DOCK3: variants seen among roughly 807,000 people sequenced by gnomAD.
DOCK3 encodes the protein dedicator of cytokinesis protein 3.
DOCK3 carries 60 observed loss-of-function variants against 265.6 expected under a neutral mutation model. That is an observed-to-expected ratio of 0.23 (90% CI 0.18 to 0.28). DOCK3 has a LOEUF of 0.28. DOCK3 is among the 10% of genes least tolerant of loss of function. The pLI is 1.00. For missense variants in DOCK3, 1,981 were observed against 2,594.3 expected, an observed-to-expected ratio of 0.76 and a Z score of 5.14; for synonymous variants, 881 against 938.0, an observed-to-expected ratio of 0.94 and a Z score of 1.11.
At chr3:50,907,936 G>T (rs73081114) in intron 4 of DOCK3, among the ~76,000 whole-genome samples, 14,360 of 151,832 alleles carry the variant, frequency 0.095, 849 homozygotes, top group Non-Finnish European at 0.12. Context: ...GTTTGTTCCT[G>T]GTTCAGTCTT....
chr3:50,816,529 C>T (rs979566578), intron 2 of DOCK3, among the ~76,000 whole-genome samples: 2 of 151,904 alleles, frequency 1.3e-5, no homozygotes, highest in Non-Finnish European at 1.5e-5. Flanking sequence ...CCATATTGTC[C>T]AGGCTGGTCT....
At chr3:51,130,363 C>T (rs2084470930) in intron 9 of DOCK3, among the ~76,000 whole-genome samples, 1 of 152,230 alleles carries the variant, frequency 6.6e-6, no homozygotes, top group East Asian at 1.9e-4. Context: ...TATTGTTGGC[C>T]TTGCCAGCTG....
At chr3:50,749,092 G>T (rs1253214000) in intron 1 of DOCK3, among the ~76,000 whole-genome samples, 1 of 152,128 alleles carries the variant, frequency 6.6e-6, no homozygotes, top group Non-Finnish European at 1.5e-5. Context: ...ATATGCCTAG[G>T]AAAGTGTTTG....
At chr3:50,934,751 A>G (rs1192244650) in intron 5 of DOCK3, among the ~76,000 whole-genome samples, 1 of 152,102 alleles carries the variant, frequency 6.6e-6, no homozygotes, top group East Asian at 1.9e-4. Context: ...AAAAAAAAAA[A>G]GTAATAGTAA....
intron 5 of DOCK3, among the ~76,000 whole-genome samples, chr3:50,963,564 A>G (rs1454678628): frequency 1.3e-5 from 2 of 152,232 alleles, no homozygotes; most frequent in East Asian, 3.8e-4. Context: ...CCCACGATAA[A>G]GTCAATGGGA....
At chr3:50,787,273 C>T (rs1339058524) in intron 2 of DOCK3, 11 of 472,508 alleles carry the variant, frequency 2.3e-5, no homozygotes, top group South Asian at 4.2e-5. Context: ...CTGGGGCACA[C>T]GCCTGTAATC....
chr3:51,131,039 G>T (rs2084508339), intron 9 of DOCK3, among the ~76,000 whole-genome samples: 2 of 152,216 alleles, frequency 1.3e-5, no homozygotes. Context: ...ATTTGTCTAG[G>T]TAGAGGCCAC....
At chr3:51,263,412 T>G (rs2079970811) in intron 23 of DOCK3, among the ~76,000 whole-genome samples, 1 of 152,182 alleles carries the variant, frequency 6.6e-6, no homozygotes, top group African/African-American at 2.4e-5. Context: ...CAAGAGCTCC[T>G]GAAGGAAGCA....
intron 27 of DOCK3, among the ~76,000 whole-genome samples, chr3:51,296,032 G>A (rs2082060914): frequency 6.6e-6 from 1 of 152,008 alleles, no homozygotes. Context: ...TTTAAGAGAT[G>A]GAGTCTCACT....
chr3:50,890,239 C>G (rs1559775556), intron 4 of DOCK3, among the ~76,000 whole-genome samples, 158 bp downstream of exon 4: 1 of 151,920 alleles, frequency 6.6e-6, no homozygotes, highest in Non-Finnish European at 1.5e-5. Context: ...ATAATGTTTT[C>G]TTAAAATACA....
intron 24 of DOCK3, 53 bp downstream of exon 24, chr3:51,271,060 C>G: frequency 6.5e-7 from 1 of 1,534,716 alleles, no homozygotes; most frequent in Non-Finnish European, 8.8e-7. Context: ...GTCCTCCTTC[C>G]TTCCAGGGGT....
chr3:50,998,929 A>G (rs1332289241), intron 5 of DOCK3, among the ~76,000 whole-genome samples: 1 of 152,254 alleles, frequency 6.6e-6, no homozygotes, highest in East Asian at 1.9e-4. Flanking sequence ...TGAAATAGTC[A>G]TATCAGAATG....
At chr3:50,883,896 T>C (rs1409558484) in intron 3 of DOCK3, among the ~76,000 whole-genome samples, 1 of 152,138 alleles carries the variant, frequency 6.6e-6, no homozygotes, top group Non-Finnish European at 1.5e-5. Flanking sequence ...TTTTTCATCC[T>C]CCTGCTGCTG....
Position 50,846,704 on chromosome 3 carries a change from G to T in DOCK3, c.162+4989G>T, listed in dbSNP as rs532216069. Among the ~76,000 whole-genome samples, 4 of 152,100 alleles carry T rather than the reference G, an allele frequency of 2.6e-5. No homozygotes were observed. The South Asian group carries it at 8.3e-4, about 32-fold the overall frequency. On this transcript the variant is annotated intron_variant, in intron 3 of 52. Coordinates refer to ENST00000266037, the MANE Select transcript of DOCK3 (RefSeq NM_004947.5). ...TTGAACTTGATATTGGTCTGTTCAG[G>T]GTTTCAGTTTCTTCCTGATTCAATC...
At chr3:50,713,646 A>G (rs2036911443) in intron 1 of DOCK3, among the ~76,000 whole-genome samples, 1 of 151,496 alleles carries the variant, frequency 6.6e-6, no homozygotes, top group Non-Finnish European at 1.5e-5. Flanking sequence ...AATTATATAT[A>G]TATATATATT....
chr3:50,826,632 G>A (rs1418444263), intron 2 of DOCK3, among the ~76,000 whole-genome samples: 1 of 152,062 alleles, frequency 6.6e-6, no homozygotes, highest in African/African-American at 2.4e-5. Context: ...GACTGCACAG[G>A]GTGAAGAAAG....
In DOCK3 at chr3:51,374,895, T is replaced by C. The variant is rs1316908287; in HGVS notation, c.5412+308T>C. Among the ~76,000 whole-genome samples, 1 of 152,186 alleles carries C rather than the reference T, an allele frequency of 6.6e-6. No individual in the cohort carries two copies. The highest frequency in any genetic ancestry group is 1.5e-5 in the Non-Finnish European group (1 of 68,032). Reference sequence around the variant, plus strand: ...TCCCTAAACAGTCTAGCAAAGGTAATTGGTTCTTTGCAGCCTGTTCTGAGA... The same window carrying C: ...TCCCTAAACAGTCTAGCAAAGGTAACTGGTTCTTTGCAGCCTGTTCTGAGA... On this transcript the variant is annotated intron_variant, in intron 50 of 52. Transcript: ENST00000266037. This position sits in a 1 kb window ranked among gnomAD's most constrained non-coding sequence, Gnocchi z 4.8.
chr3:50,970,451 A>G (rs1232358769), intron 5 of DOCK3, among the ~76,000 whole-genome samples: 2 of 152,106 alleles, frequency 1.3e-5, no homozygotes, highest in East Asian at 1.9e-4. Context: ...GATATATTAC[A>G]TAATCCTTTA....
chr3:51,225,736 C>T lies in DOCK3; in HGVS notation c.1340C>T (p.Thr447Ile), dbSNP rs1299424456. 1 of 1,613,044 alleles carries T rather than the reference C, an allele frequency of 6.2e-7. No individual in the cohort carries two copies. Among genetic ancestry groups the T allele is most frequent in the Non-Finnish European group, 8.5e-7 (1 of 1,179,588 alleles). ...AGTGTACAAAAGAATATTGAAGTGA[C>T]CATGTATGTGCTTTATGCAGATGGA... ...GKSVQKNIEV[T>I]MYVLYADGEI... Residue 447 changes from threonine to isoleucine, a missense_variant, in exon 15 of 53, where the codon ACC (threonine) becomes ATC (isoleucine). Transcript: ENST00000266037.
Sources: allele counts gnomAD v4.1 joint callset (sites outside exome capture counted in the v4.1 genomes callset), GRCh38; gene constraint gnomAD v4.1.1; non-coding constraint Gnocchi (gnomAD v3.1); transcripts MANE v1.5; gene names NCBI Gene and HGNC (gene_info 2026-07-23, HGNC 2026-07-21).